Variants in EDC3 observed in about 807,000 individuals in gnomAD.
EDC3 encodes the protein enhancer of mRNA-decapping protein 3.
EDC3 carries 20 observed loss-of-function variants against 41.8 expected under a neutral mutation model. That is an observed-to-expected ratio of 0.48 (90% confidence interval 0.34 to 0.70). The LOEUF is 0.70. EDC3 is among the 30% of genes least tolerant of loss of function. The pLI, the probability that EDC3 is intolerant of heterozygous loss-of-function variation, is 0.01. For missense variants in EDC3, 444 were observed against 636.8 expected (o/e 0.70, Z 3.26); for synonymous variants, 206 against 243.2 (o/e 0.85, Z 1.42).
intron 6 of EDC3, among the ~76,000 whole-genome samples, chr15:74,634,005 G>A (rs2062242404): frequency 1.3e-5 from 2 of 152,126 alleles, no homozygotes; most frequent in Non-Finnish European, 2.9e-5. Flanking sequence ...TCCAGGCTTT[G>A]CCCTTGACTC....
rs1192591320 is a variant in EDC3 at position 74,654,744 on chromosome 15, C to CTATA, written c.820+985_820+988dup. 1.1e-4 allele frequency among the ~76,000 whole-genome samples: 17 copies of CTATA among 151,558 alleles called. 1 individual carries two copies. Among genetic ancestry groups the CTATA allele is most frequent in the Non-Finnish European group, 2.9e-5 (2 of 67,958 alleles). On this transcript the variant is annotated intron_variant, in intron 4 of 6. Transcript: ENST00000315127. Reference sequence around the variant, plus strand: ...TCACATGGAAAGCACATGCAAGCTACTATACTCAGCGAAACCAAATACAAC... The same window carrying CTATA: ...TCACATGGAAAGCACATGCAAGCTACTATATATACTCAGCGAAACCAAATACAAC...
In EDC3 at chr15:74,646,940, G is replaced by C. The variant is rs572347730; in HGVS notation, c.821-6321C>G. ...AGGATAAAGAAAAATCTGTTGCCAA[G>C]GCTGCTACAGAACACAGTGTCTGCA... On this transcript the variant is annotated intron_variant, in intron 4 of 6. Transcript: ENST00000315127. Among the ~76,000 whole-genome samples, 4 of 151,978 alleles carry C rather than the reference G, an allele frequency of 2.6e-5. No individual in the cohort carries two copies. The South Asian group carries it at 8.3e-4, about 32-fold the overall frequency.
intron 1 of EDC3, among the ~76,000 whole-genome samples, chr15:74,688,903 T>C (rs1488793066): frequency 6.9e-6 from 1 of 144,664 alleles, no homozygotes; most frequent in African/African-American, 2.6e-5. Flanking sequence ...CGAGATGCTG[T>C]CTCAAAAAAA....
intron 2 of EDC3, among the ~76,000 whole-genome samples, chr15:74,674,158 G>A (rs983820212): frequency 1.3e-5 from 2 of 152,116 alleles, no homozygotes; most frequent in African/African-American, 4.8e-5. Context: ...AGGCTGGAGT[G>A]CAGTGGTGCT....
At chr15:74,677,478 C>T (rs553719731) in intron 1 of EDC3, among the ~76,000 whole-genome samples, 1 of 151,972 alleles carries the variant, frequency 6.6e-6, no homozygotes, top group South Asian at 2.1e-4. Flanking sequence ...ATTCTCCTGC[C>T]TCAGCCTTCC....
chr15:74,653,843 G>C (rs187917064), intron 4 of EDC3, among the ~76,000 whole-genome samples: 5 of 152,170 alleles, frequency 3.3e-5, no homozygotes, highest in Non-Finnish European at 5.9e-5. Context: ...GTCCATGTTA[G>C]TAAATATTTT....
chr15:74,675,157 A>G lies in EDC3; in HGVS notation c.-18-15T>C. On this transcript the variant is annotated splice_polypyrimidine_tract_variant and intron_variant, in intron 1 of 6. Coordinates refer to ENST00000315127, the MANE Select transcript of EDC3 (RefSeq NM_025083.5). Reference sequence around the variant, plus strand: ...ACGTGAGACCACTGTGAAGAGAAGGAACTATTCAGTGTGCCTTGGTGAAAA... The same window carrying G: ...ACGTGAGACCACTGTGAAGAGAAGGGACTATTCAGTGTGCCTTGGTGAAAA... 1.9e-6 allele frequency: 3 copies of G among 1,608,414 alleles called. No individual in the cohort carries two copies. Among genetic ancestry groups the G allele is most frequent in the Non-Finnish European group, 2.5e-6 (3 of 1,178,126 alleles).
chr15:74,641,865 CAT>C (rs2062356096), intron 4 of EDC3: 1 of 152,790 alleles, frequency 6.5e-6, no homozygotes, highest in South Asian at 2.1e-4. Context: ...GGTCCTCAGA[CAT>C]ATAAATGATG....
intron 3 of EDC3, among the ~76,000 whole-genome samples, chr15:74,669,992 C>T (rs935315207): frequency 3.3e-5 from 5 of 150,336 alleles, no homozygotes; most frequent in South Asian, 2.1e-4. Context: ...CACAGGTGCA[C>T]GCTGCCACGC....
In EDC3 at chr15:74,675,150, G is replaced by C; in HGVS notation, c.-18-8C>G. 1 of 1,610,556 alleles carries C rather than the reference G, an allele frequency of 6.2e-7. No individual in the cohort carries two copies. The highest frequency in any genetic ancestry group is 1.3e-5 in the African/African-American group (1 of 75,058). ...GTTTCACACGTGAGACCACTGTGAAGAGAAGGAACTATTCAGTGTGCCTTG... is the reference window on the plus strand; with the variant it reads ...GTTTCACACGTGAGACCACTGTGAACAGAAGGAACTATTCAGTGTGCCTTG... On this transcript the variant is annotated splice_region_variant and splice_polypyrimidine_tract_variant and intron_variant, in intron 1 of 6. Coordinates refer to ENST00000315127, the MANE Select transcript of EDC3 (RefSeq NM_025083.5).
intron 3 of EDC3, among the ~76,000 whole-genome samples, chr15:74,657,535 G>A (rs1169155107): frequency 6.6e-6 from 1 of 152,222 alleles, no homozygotes; most frequent in Non-Finnish European, 1.5e-5. Context: ...CATGAGTCCT[G>A]TGAATAGGTC....
Position 74,631,439 on chromosome 15 carries a change from A to G in EDC3, c.*1173T>C, listed in dbSNP as rs1485407256. 1.3e-5 allele frequency: 2 copies of G among 152,242 alleles called. No homozygotes were observed. The highest frequency in any genetic ancestry group is 2.9e-5 in the Non-Finnish European group (2 of 68,064). 9.4% of individuals were successfully genotyped at this position (152,242 alleles called of 1,614,324 possible). A position where few individuals can be genotyped will look rare whatever the true frequency, so the allele number is the denominator to read the frequency against. On this transcript the variant is annotated 3_prime_UTR_variant, in exon 7 of 7. Transcript: ENST00000315127. ...AGGATTTGAGCATCAGTGTGTTCCT[A>G]TGGTTGGAACCCACACCAGCTAGCT...
At chr15:74,652,813 C>G (rs1426087310) in intron 4 of EDC3, among the ~76,000 whole-genome samples, 1 of 151,840 alleles carries the variant, frequency 6.6e-6, no homozygotes, top group Non-Finnish European at 1.5e-5. Context: ...CTCCTGAGTT[C>G]AAGCAATCCT....
At chr15:74,674,900 C>A in intron 2 of EDC3, 61 bp downstream of exon 2, 2 of 1,592,104 alleles carry the variant, frequency 1.3e-6, no homozygotes, top group Non-Finnish European at 1.7e-6. Flanking sequence ...AGCAATCAGA[C>A]CTAGGTTCAA....
intron 1 of EDC3, among the ~76,000 whole-genome samples, chr15:74,689,954 T>C (rs2062986519): frequency 6.6e-6 from 1 of 152,190 alleles, no homozygotes; most frequent in African/African-American, 2.4e-5. Flanking sequence ...CATTAATACA[T>C]TACTAGTGTA....
intron 1 of EDC3, among the ~76,000 whole-genome samples, chr15:74,689,257 T>G (rs1246809926): frequency 6.6e-6 from 1 of 152,188 alleles, no homozygotes; most frequent in African/African-American, 2.4e-5. Context: ...CCACCATACG[T>G]GAGTTCTTTC....
Position 74,674,954 on chromosome 15 carries a change from C to T in EDC3, c.164+7G>A, listed in dbSNP as rs1286637357. Reference sequence around the variant, plus strand: ...TTGGATTCAGAAGAGTCAGTCAGGACACTCACCTGAAGGTGACTTCTGGAA... The same window carrying T: ...TTGGATTCAGAAGAGTCAGTCAGGATACTCACCTGAAGGTGACTTCTGGAA... On this transcript the variant is annotated splice_region_variant and intron_variant, in intron 2 of 6. Coordinates refer to ENST00000315127, the MANE Select transcript of EDC3 (RefSeq NM_025083.5). 2 of 1,613,750 alleles carry T rather than the reference C, an allele frequency of 1.2e-6. No homozygotes were observed. The highest frequency in any genetic ancestry group is 3.3e-5 in the Admixed American group (2 of 60,000).
chr15:74,640,404 G>T, intron 5 of EDC3, 62 bp downstream of exon 5: 9 of 1,577,618 alleles, frequency 5.7e-6, no homozygotes, highest in Non-Finnish European at 7.8e-6. Flanking sequence ...AGGCACTGTG[G>T]TGGTGGCCAG....
At chr15:74,672,768 T>C (rs964702507) in intron 2 of EDC3, among the ~76,000 whole-genome samples, 4 of 151,602 alleles carry the variant, frequency 2.6e-5, no homozygotes, top group African/African-American at 9.7e-5. Flanking sequence ...TGAGCAGAGA[T>C]CGCACCACTG....
Sources: allele counts gnomAD v4.1 joint callset (sites outside exome capture counted in the v4.1 genomes callset), GRCh38; gene constraint gnomAD v4.1.1; transcripts MANE v1.5; gene names NCBI Gene and HGNC (gene_info 2026-07-23, HGNC 2026-07-21).